Variants in CELF3 observed in about 807,000 individuals in gnomAD.
The protein encoded by CELF3 is CUGBP Elav-like family member 3.
CELF3 carries 26 observed loss-of-function variants against 59.6 expected under a neutral mutation model. The observed-to-expected ratio is 0.44, with a 90% CI of 0.32 to 0.61. The LOEUF (loss-of-function observed/expected upper bound fraction) is 0.61, where lower values mean the gene tolerates loss of function less well. Ranked by LOEUF, CELF3 falls within the 20% of genes least tolerant of loss-of-function variation. CELF3 has a pLI of 0.06. For synonymous variants in CELF3, 245 were observed against 250.7 expected (o/e 0.98, Z 0.22); for missense variants, 387 against 627.2 (o/e 0.62, Z 4.09).
chr1:151,707,101 T>G (rs1571913935), intron 8 of CELF3, 44 bp downstream of exon 8: 1 of 1,441,762 alleles, frequency 6.9e-7, no homozygotes. Flanking sequence ...GGAGTGGTGG[T>G]TTAGATGGTT....
Position 151,709,135 on chromosome 1 carries a change from C to A in CELF3, c.407-58G>T, listed in dbSNP as rs571471662. ...AAGCACCCATCCCTGCGGGACCCCGCGGTGGAACCCGATGCCTAGGGAGTC... is the reference window on the plus strand; with the variant it reads ...AAGCACCCATCCCTGCGGGACCCCGAGGTGGAACCCGATGCCTAGGGAGTC... On this transcript the variant is annotated intron_variant, in intron 4 of 12. Transcript: ENST00000290583. The surrounding 1 kb of genome is among the most constrained non-coding windows in gnomAD (Gnocchi z 4.9). 5 of 1,605,002 alleles carry A rather than the reference C, an allele frequency of 3.1e-6. No individual in the cohort carries two copies. The highest frequency in any genetic ancestry group is 3.3e-5 in the Admixed American group (2 of 59,750).
chr1:151,714,846 T>A (rs1398810583), intron 1 of CELF3, among the ~76,000 whole-genome samples, 170 bp from the exon 2 acceptor site: 1 of 151,602 alleles, frequency 6.6e-6, no homozygotes, highest in East Asian at 1.9e-4. Context: ...GCCCCAGAAG[T>A]GGGGCAGACA....
In CELF3 at chr1:151,714,408, C is replaced by T; in HGVS notation, c.228+186G>A. 4.6e-6 allele frequency: 3 copies of T among 658,726 alleles called. No homozygotes were observed. In the Admixed American group the frequency reaches 7.1e-5, roughly 16 times the overall value. The allele number at this position is 658,726 out of a possible 1,614,324, so 40.8% of individuals were successfully genotyped here. A position where few individuals can be genotyped will look rare whatever the true frequency, so the allele number is the denominator to read the frequency against. On this transcript the variant is annotated intron_variant, in intron 2 of 12. Coordinates refer to ENST00000290583, the MANE Select transcript of CELF3 (RefSeq NM_007185.7). ...TGTTTACGCCACTAATCGCTGCTTT[C>T]CTTCTCTCCAGGTAACAAGAAATGC...
intron 7 of CELF3, 69 bp downstream of exon 7, chr1:151,707,433 CCTGAG>C (rs925149430): frequency 2.5e-4 from 397 of 1,581,356 alleles, no homozygotes; most frequent in Non-Finnish European, 3.2e-4. Context: ...CCGAGGCTTC[CCTGAG>C]CAATGCCCTG....
chr1:151,710,102 G>A (rs1251479174), intron 2 of CELF3: 3 of 385,308 alleles, frequency 7.8e-6, no homozygotes, highest in Non-Finnish European at 1.4e-5. Flanking sequence ...AGGACCCGGG[G>A]CCTGAGAGAG....
chr1:151,715,810 C>A, intron 1 of CELF3, 66 bp downstream of exon 1: 1 of 1,595,318 alleles, frequency 6.3e-7, no homozygotes, highest in Non-Finnish European at 8.5e-7. Flanking sequence ...ACCCCTCCAG[C>A]CTGGCTTAAC....
At chr1:151,711,540 A>G (rs980895775) in intron 2 of CELF3, among the ~76,000 whole-genome samples, 1 of 149,040 alleles carries the variant, frequency 6.7e-6, no homozygotes, top group Non-Finnish European at 1.5e-5. Flanking sequence ...CAGCTTTATC[A>G]CCCGCCAATC....
chr1:151,707,611 C>G lies in CELF3; in HGVS notation c.668G>C (p.Ser223Thr). Residue 223 changes from serine to threonine, a missense_variant, in exon 7 of 13, where the codon AGT (serine) becomes ACT (threonine). Transcript: ENST00000290583. ...QQQAALVAAH[S>T]AYLSPMATMA... ...GGTGGCCATGGGGCTGAGGTAGGCA[C>G]TGTGAGCCGCTACCAGGGCCGCCTG... 1 of 1,607,436 alleles carries G rather than the reference C, an allele frequency of 6.2e-7. No individual in the cohort carries two copies. The highest frequency in any genetic ancestry group is 1.1e-5 in the South Asian group (1 of 90,412).
Position 151,703,072 on chromosome 1 carries a change from C to T in CELF3, c.*387G>A, listed in dbSNP as rs1672198928. ...TGAGCTGGGAGTGTGTGGCAGGCCCCTGCGGCTCTCCTGGGGCCTGCACGG... is the reference window on the plus strand; with the variant it reads ...TGAGCTGGGAGTGTGTGGCAGGCCCTTGCGGCTCTCCTGGGGCCTGCACGG... On this transcript the variant is annotated 3_prime_UTR_variant, in exon 13 of 13. Transcript: ENST00000290583. 2.3e-6 allele frequency: 1 copy of T among 428,092 alleles called. No homozygotes were observed. 26.5% of individuals were successfully genotyped at this position (428,092 alleles called of 1,614,324 possible). A position where few individuals can be genotyped will look rare whatever the true frequency, so the allele number is the denominator to read the frequency against.
rs1672480343 is a variant in CELF3, at chr1:151,705,958, A to G, written c.1134T>C (p.Asp378=). The part of the protein sequence containing the change: ...QQQQQQREGP[D]GCNIFIYHLP... ...GGTGGTAGATGAAGATGTTGCAGCCATCAGGGCCTGGGTGGCGACAGAGAC... is the reference window on the plus strand; with the variant it reads ...GGTGGTAGATGAAGATGTTGCAGCCGTCAGGGCCTGGGTGGCGACAGAGAC... The change falls in exon 11 of 13, where the codon GAT becomes GAC. Residue 378 remains aspartate (D), a synonymous_variant. Coordinates refer to ENST00000290583, the MANE Select transcript of CELF3 (RefSeq NM_007185.7). This position sits in a 1 kb window ranked among gnomAD's most constrained non-coding sequence, Gnocchi z 5.1. The G allele has an allele frequency of 6.2e-7, 1 of 1,613,862 alleles. No homozygotes were observed. The highest frequency in any genetic ancestry group is 1.7e-5 in the Admixed American group (1 of 59,998).
At chr1:151,706,400 T>C in intron 9 of CELF3, 39 bp from the exon 10 acceptor site, 1 of 1,512,276 alleles carries the variant, frequency 6.6e-7, no homozygotes, top group East Asian at 2.5e-5. Flanking sequence ...GGGGCTTCCC[T>C]GACTTCTTGA....
Position 151,703,087 on chromosome 1 carries a change from G to T in CELF3, c.*372C>A, listed in dbSNP as rs897321212. 2.2e-6 allele frequency: 1 copy of T among 450,022 alleles called. No homozygotes were observed. Among genetic ancestry groups the T allele is most frequent in the East Asian group, 7.0e-5 (1 of 14,276 alleles). 27.9% of individuals were successfully genotyped at this position (450,022 alleles called of 1,614,324 possible). ...TGGCAGGCCCCTGCGGCTCTCCTGG[G>T]GCCTGCACGGGTAGAACAGGCCCAC... On this transcript the variant is annotated 3_prime_UTR_variant, in exon 13 of 13. Transcript: ENST00000290583.
At chr1:151,714,205 A>T (rs1673265502) in intron 2 of CELF3, among the ~76,000 whole-genome samples, 1 of 151,930 alleles carries the variant, frequency 6.6e-6, no homozygotes, top group Admixed American at 6.6e-5. Flanking sequence ...ACAGCCACCC[A>T]GCCTGCCTTT....
intron 5 of CELF3, among the ~76,000 whole-genome samples, 181 bp downstream of exon 5, chr1:151,708,817 G>A (rs1272196187): frequency 1.3e-5 from 2 of 152,110 alleles, no homozygotes; most frequent in Admixed American, 6.5e-5. Context: ...GAGGAGTGGG[G>A]AGGTGGGGAA....
chr1:151,710,427 G>A (rs897315096), intron 2 of CELF3: 15 of 307,502 alleles, frequency 4.9e-5, no homozygotes, highest in Non-Finnish European at 9.1e-5. Flanking sequence ...CGACCGTGGT[G>A]ACGTCATCAC....
Position 151,705,068 on chromosome 1 carries a change from CCG to C in CELF3, c.1369_1370del (p.Arg457AlafsTer2). 6.2e-7 allele frequency: 1 copy of C among 1,613,702 alleles called. No homozygotes were observed. The highest frequency in any genetic ancestry group is 8.5e-7 in the Non-Finnish European group (1 of 1,179,706). The stretch of plus-strand genomic sequence containing the variant: ...AGTAGGGCCGGTTGGCATCCTTAGG[CCG>C]CTTTAGCTGGACTTTGAGGCGCTTC... ...GMKRLKVQLK[R>X]PKDANRPY On this transcript the variant is annotated frameshift_variant, in exon 12 of 13. Transcript: ENST00000290583. LOFTEE classifies it high-confidence loss of function. This position sits in a 1 kb window ranked among gnomAD's most constrained non-coding sequence, Gnocchi z 5.1.
In CELF3 at chr1:151,706,339, G is replaced by T; in HGVS notation, c.1011C>A (p.Ser337Arg). Reference protein sequence around the residue: ...HYTAAYPAAYSLVAPAFPQPP... With the variant: ...HYTAAYPAAYRLVAPAFPQPP... ...GCTGCGGGAACGCAGGTGCAACCAG[G>T]CTGTAGGCTGCTGGGTAGGCTGCTG... The change falls in exon 10 of 13, where the codon AGC (serine) becomes AGA (arginine). Residue 337 changes from serine (S) to arginine (R), a missense_variant. Physicochemically the swap from Ser to Arg is moderately radical, Grantham distance 110 (BLOSUM62 -1). Transcript: ENST00000290583. 1 of 1,550,754 alleles carries T rather than the reference G, an allele frequency of 6.4e-7. No individual in the cohort carries two copies. Among genetic ancestry groups the T allele is most frequent in the Non-Finnish European group, 8.7e-7 (1 of 1,147,000 alleles).
At chr1:151,704,695 AAG>A (rs1385601007) in intron 12 of CELF3, among the ~76,000 whole-genome samples, 1 of 152,154 alleles carries the variant, frequency 6.6e-6, no homozygotes, top group Non-Finnish European at 1.5e-5. Context: ...GAAAACCAGA[AAG>A]AGACACACAC....
Position 151,703,108 on chromosome 1 carries a change from C to T in CELF3, c.*351G>A. ...CTGGGGCCTGCACGGGTAGAACAGGCCCACTGTTGGGGGAGGCAAGTACAA... is the reference window on the plus strand; with the variant it reads ...CTGGGGCCTGCACGGGTAGAACAGGTCCACTGTTGGGGGAGGCAAGTACAA... On this transcript the variant is annotated 3_prime_UTR_variant, in exon 13 of 13. Coordinates refer to ENST00000290583, the MANE Select transcript of CELF3 (RefSeq NM_007185.7). 2.2e-6 allele frequency: 1 copy of T among 456,650 alleles called. No individual in the cohort carries two copies. The highest frequency in any genetic ancestry group is 4.4e-6 in the Non-Finnish European group (1 of 227,102). 28.3% of individuals were successfully genotyped at this position (456,650 alleles called of 1,614,324 possible).
Sources: gnomAD v4.1 joint callset for allele counts (sites outside exome capture counted in the v4.1 genomes callset) on GRCh38, gnomAD v4.1.1 for gene constraint, Gnocchi (gnomAD v3.1) non-coding constraint, MANE v1.5 for transcripts, NCBI Gene and HGNC (gene_info 2026-07-23, HGNC 2026-07-21) for gene names.